The following COPG2 variants were observed in gnomAD, a reference collection of about 807,000 sequenced individuals.
COPG2 encodes the protein coat protein complex I subunit gamma 2, also known as coatomer subunit gamma-2.
In COPG2, 37 loss-of-function variants were observed where a neutral mutation model predicts 46.3. The ratio of observed to expected loss-of-function variants is 0.80; its 90% CI spans 0.61 to 1.05. The LOEUF (loss-of-function observed/expected upper bound fraction) is 1.05, where lower values mean the gene tolerates loss of function less well. Ranked by LOEUF, COPG2 falls within the 50% of genes least tolerant of loss-of-function variation. The pLI is 0.00. For synonymous variants in COPG2, 159 were observed against 129.7 expected, an observed-to-expected ratio of 1.23 and a Z score of -1.53; for missense variants, 427 against 387.8, an observed-to-expected ratio of 1.10 and a Z score of -0.85.
At chr7:130,607,339 T>C (rs1386960) in intron 9 of COPG2, 165,375 of 206,156 alleles carry the variant, frequency 0.8, 66,854 homozygotes, top group Non-Finnish European at 0.85. Flanking sequence ...CTAATTCCAA[T>C]GTCTGGATCA....
chr7:130,649,662 A>G (rs1430950137), intron 5 of COPG2, among the ~76,000 whole-genome samples: 1 of 152,180 alleles, frequency 6.6e-6, no homozygotes, highest in Non-Finnish European at 1.5e-5. Context: ...AAGATGATAA[A>G]TGTTTTCTCT....
At chr7:130,626,746 C>A (rs1230087274) in intron 5 of COPG2, among the ~76,000 whole-genome samples, 1 of 152,186 alleles carries the variant, frequency 6.6e-6, no homozygotes, top group Non-Finnish European at 1.5e-5. Context: ...CCCATTGACA[C>A]CTGATTGCCA....
chr7:130,524,271 G>T (rs1177797330), intron 20 of COPG2, among the ~76,000 whole-genome samples: 1 of 152,012 alleles, frequency 6.6e-6, no homozygotes, highest in African/African-American at 2.4e-5. Context: ...CGGGTGCGGG[G>T]CCAGGTCAAG....
chr7:130,511,907 T>G (rs185819819), intron 20 of COPG2: 1 of 507,298 alleles, frequency 2.0e-6, no homozygotes, highest in East Asian at 5.5e-5. Flanking sequence ...TATAAACTGA[T>G]GAATGCTGAT....
intron 9 of COPG2, among the ~76,000 whole-genome samples, chr7:130,588,970 CTA>C (rs1170195398): frequency 1.3e-5 from 2 of 151,978 alleles, no homozygotes; most frequent in African/African-American, 2.4e-5. Context: ...CAAGGAGAAA[CTA>C]TATTCAGTGT....
At position 130,537,257 on chromosome 7, in the gene COPG2, T is replaced by C. The variant is rs1243123470; in HGVS notation, c.2149+10417A>G. Among the ~76,000 whole-genome samples, 11 of 149,006 alleles carry C rather than the reference T, an allele frequency of 7.4e-5. No homozygotes were observed. In the East Asian group the frequency reaches 2.2e-3, roughly 29 times the overall value. ...AAAGAATCAGGAAGGTTTAGGGGAG[T>C]CAGGGTTGTGGGGCCCTGGAAAGGA... is the stretch of plus-strand genomic sequence containing the variant. On this transcript the variant is annotated intron_variant, in intron 20 of 23. Transcript: ENST00000425248.
chr7:130,613,641 T>C lies in COPG2; in HGVS notation c.400-5A>G, dbSNP rs782807568. The stretch of plus-strand genomic sequence containing the variant: ...AATGGCTTGCAACATTGTTCCCTAA[T>C]AACATTCAAAAAGAAAAAATTGTTA... On this transcript the variant is annotated splice_region_variant and splice_polypyrimidine_tract_variant and intron_variant, in intron 6 of 23. Coordinates refer to ENST00000425248, the MANE Select transcript of COPG2 (RefSeq NM_012133.6). The C allele has an allele frequency of 1.3e-6, 2 of 1,580,796 alleles. No homozygotes were observed. Among genetic ancestry groups the C allele is most frequent in the East Asian group, 2.3e-5 (1 of 44,442 alleles).
rs1793466510 is a variant in COPG2 at position 130,547,645 on chromosome 7, C to T, written c.2149+29G>A. ...TCACAAGGAAATGCATTCTGAATCA[C>T]GTATCTCCTCCCTTCTGAGGGTTAG... On this transcript the variant is annotated intron_variant, in intron 20 of 23. Transcript: ENST00000425248. The T allele has an allele frequency of 1.3e-5, 5 of 398,544 alleles. No homozygotes were observed. The South Asian group carries it at 5.1e-4, about 41-fold the overall frequency. 24.7% of individuals were successfully genotyped at this position (398,544 alleles called of 1,614,324 possible).
chr7:130,657,420 A>T (rs529096219), intron 4 of COPG2, among the ~76,000 whole-genome samples: 1 of 152,252 alleles, frequency 6.6e-6, no homozygotes, highest in Admixed American at 6.5e-5. Flanking sequence ...TTGATATAAA[A>T]CTACAAACAC....
At chr7:130,626,056 C>T (rs1395839784) in intron 5 of COPG2, among the ~76,000 whole-genome samples, 1 of 152,158 alleles carries the variant, frequency 6.6e-6, no homozygotes, top group African/African-American at 2.4e-5. Context: ...GTTATCACAT[C>T]AGGGTAATTA....
intron 9 of COPG2, among the ~76,000 whole-genome samples, chr7:130,577,220 G>A (rs1313262254): frequency 1.3e-5 from 2 of 152,220 alleles, no homozygotes; most frequent in Non-Finnish European, 2.9e-5. Flanking sequence ...TGTGAGCGAC[G>A]CAGAAGACCG....
intron 5 of COPG2, among the ~76,000 whole-genome samples, chr7:130,645,821 TTCTC>T (rs1400514729): frequency 6.6e-6 from 1 of 152,072 alleles, no homozygotes; most frequent in Non-Finnish European, 1.5e-5. Flanking sequence ...TTGGCCAACT[TTCTC>T]TAAATACTCT....
chr7:130,591,302 G>A (rs1416884166), intron 9 of COPG2, among the ~76,000 whole-genome samples: 2 of 101,034 alleles, frequency 2.0e-5, no homozygotes, highest in Non-Finnish European at 4.2e-5. Flanking sequence ...CAGCCGCCCC[G>A]TCCGGGAGGT....
At chr7:130,610,573 T>C (rs782158513) in intron 9 of COPG2, 1 of 523,190 alleles carries the variant, frequency 1.9e-6, no homozygotes, top group South Asian at 1.4e-5. Context: ...GCCTCAGACT[T>C]GTGGAATGAT....
At chr7:130,624,299 T>G (rs1554454014) in intron 5 of COPG2, among the ~76,000 whole-genome samples, 2 of 152,238 alleles carry the variant, frequency 1.3e-5, no homozygotes, top group Admixed American at 1.3e-4. Context: ...TTCTAAGTTT[T>G]GTACATTTAT....
At chr7:130,513,323 A>ATATATATATGTGTGTGTGTGTGTG (rs1799635696) in intron 20 of COPG2, among the ~76,000 whole-genome samples, 1 of 48,326 alleles carries the variant, frequency 2.1e-5, no homozygotes, top group African/African-American at 8.0e-5. Flanking sequence ...ATATATATAT[A>ATATATATATGTGTGTGTGTGTGTG]TATATATATA....
At chr7:130,627,100 A>C (rs1231465989) in intron 5 of COPG2, among the ~76,000 whole-genome samples, 3 of 152,208 alleles carry the variant, frequency 2.0e-5, no homozygotes, top group Non-Finnish European at 4.4e-5. Flanking sequence ...CATGTTGCCC[A>C]GGCTTTTCTA....
intron 5 of COPG2, among the ~76,000 whole-genome samples, chr7:130,652,640 A>G (rs1468588378): frequency 1.3e-5 from 2 of 152,090 alleles, no homozygotes; most frequent in Non-Finnish European, 2.9e-5. Flanking sequence ...TTTTATGAAA[A>G]TTTTGATGCA....
intron 9 of COPG2, chr7:130,604,859 G>C (rs1794699578): frequency 4.8e-6 from 2 of 413,704 alleles, no homozygotes; most frequent in South Asian, 3.9e-5. Context: ...TGGTGGCAGA[G>C]ATTTCAATCA....
Sources: allele counts gnomAD v4.1 joint callset (sites outside exome capture counted in the v4.1 genomes callset), GRCh38; gene constraint gnomAD v4.1.1; transcripts MANE v1.5; gene names NCBI Gene and HGNC (gene_info 2026-07-23, HGNC 2026-07-21).